The following BCAS3 variants were observed in gnomAD, a reference collection of about 807,000 sequenced individuals.
The protein encoded by BCAS3 is BCAS3 microtubule associated cell migration factor, also known as BCAS4/BCAS3 fusion.
BCAS3 carries 53 observed loss-of-function variants against 116.1 expected under a neutral mutation model. The ratio of observed to expected loss-of-function variants is 0.46; its 90% CI spans 0.37 to 0.57. The LOEUF is 0.57. BCAS3 is among the 20% of genes least tolerant of loss of function. BCAS3 has a pLI of 0.00. For missense variants in BCAS3, 917 were observed against 1,165.4 expected (o/e 0.79, Z 3.10); for synonymous variants, 391 against 408.2 (o/e 0.96, Z 0.51).
intron 5 of BCAS3, among the ~76,000 whole-genome samples, chr17:60,743,432 A>T (rs940015702): frequency 6.6e-6 from 1 of 151,996 alleles, no homozygotes; most frequent in African/African-American, 2.4e-5. Context: ...AGGTACGTTA[A>T]CATTTAAAAT....
chr17:61,277,168 G>A (rs1180196482), intron 22 of BCAS3, among the ~76,000 whole-genome samples: 1 of 151,060 alleles, frequency 6.6e-6, no homozygotes, highest in African/African-American at 2.4e-5. Context: ...AAAGGCTGAG[G>A]CAGGAGGATC....
At chr17:61,283,989 G>A (rs1413721040) in intron 22 of BCAS3, among the ~76,000 whole-genome samples, 1 of 152,140 alleles carries the variant, frequency 6.6e-6, no homozygotes, top group Non-Finnish European at 1.5e-5. Flanking sequence ...TGTATCTTTG[G>A]TATTACGATC....
intron 22 of BCAS3, among the ~76,000 whole-genome samples, chr17:61,160,015 C>CAG (rs3032584): frequency 0.76 from 114,158 of 149,384 alleles, 43,976 homozygotes; most frequent in South Asian, 0.89. Context: ...TTTGTAGTGA[C>CAG]AGTCTCGCTG....
At chr17:60,957,046 A>G (rs2061169451) in intron 14 of BCAS3, among the ~76,000 whole-genome samples, 1 of 152,106 alleles carries the variant, frequency 6.6e-6, no homozygotes, top group African/African-American at 2.4e-5. Context: ...TCTGACAGTA[A>G]TTTTCCTCGT....
At chr17:61,234,776 T>C (rs1377984295) in intron 22 of BCAS3, among the ~76,000 whole-genome samples, 2 of 94,984 alleles carry the variant, frequency 2.1e-5, no homozygotes, top group Admixed American at 1.4e-4. Flanking sequence ...GGCTCAGGCT[T>C]TTTCCAGAAA....
rs974123828 is a variant in BCAS3 at position 61,259,504 on chromosome 17, C to T, written c.2426-108823C>T. On this transcript the variant is annotated intron_variant, in intron 22 of 23. Transcript: ENST00000407086. The surrounding 1 kb of genome is among the most constrained non-coding windows in gnomAD (Gnocchi z 4.7). ...CTGCAGATGCTGAGGTTGTCTAAGT[C>T]GTGGTCTCTTCTTAGGTTACTGGCT... Among the ~76,000 whole-genome samples the T allele has an allele frequency of 1.3e-5, 2 of 152,168 alleles. No individual in the cohort carries two copies. Among genetic ancestry groups the T allele is most frequent in the Non-Finnish European group, 2.9e-5 (2 of 68,036 alleles).
In BCAS3 at chr17:61,128,518, G is replaced by A. The variant is rs1454542920; in HGVS notation, c.2425+43954G>A. 25 of 985,174 alleles carry A rather than the reference G, an allele frequency of 2.5e-5. No individual in the cohort carries two copies. Among genetic ancestry groups the A allele is most frequent in the East Asian group, 1.1e-4 (1 of 8,828 alleles). The allele number at this position is 985,174 out of a possible 1,614,324, so 61.0% of individuals were successfully genotyped here. A position where few individuals can be genotyped will look rare whatever the true frequency, so the allele number is the denominator to read the frequency against. ...TTAACAAGCAATGGACAAACCTTCC[G>A]TTCTTCTCTATCCCAAATCGTTTGA... On this transcript the variant is annotated intron_variant, in intron 22 of 23. Coordinates refer to ENST00000407086, the MANE Select transcript of BCAS3 (RefSeq NM_017679.5). This position sits in a 1 kb window ranked among gnomAD's most constrained non-coding sequence, Gnocchi z 4.1.
At chr17:60,992,189 TACACACACACACAC>T (rs576760115) in intron 15 of BCAS3, among the ~76,000 whole-genome samples, 21 of 130,728 alleles carry the variant, frequency 1.6e-4, no homozygotes, top group South Asian at 5.3e-4. Flanking sequence ...TCCGATGACT[TACACACACACACAC>T]ACACACACAC....
intron 22 of BCAS3, among the ~76,000 whole-genome samples, chr17:61,252,141 T>C (rs1395168063): frequency 1.3e-5 from 2 of 152,218 alleles, no homozygotes; most frequent in South Asian, 2.1e-4. Context: ...ATCTGCAACA[T>C]AGAGGGCAGA....
rs903443345 is a variant in BCAS3, at chr17:61,324,845, CA to C, written c.2426-43476del. Reference sequence around the variant, plus strand: ...ATGAAAAAAAAAAAAAAAGAAGAAACAAAAAAGAAGATGTAGACTGTGTGAT... The same window carrying C: ...ATGAAAAAAAAAAAAAAAGAAGAAACAAAAAGAAGATGTAGACTGTGTGAT... On this transcript the variant is annotated intron_variant, in intron 22 of 23. Transcript: ENST00000407086. The surrounding 1 kb of genome is among the most constrained non-coding windows in gnomAD (Gnocchi z 4.6). Among the ~76,000 whole-genome samples the C allele has an allele frequency of 6.8e-6, 1 of 146,218 alleles. No homozygotes were observed. Among genetic ancestry groups the C allele is most frequent in the African/African-American group, 2.5e-5 (1 of 39,556 alleles).
rs908825346 is a variant in BCAS3, at chr17:61,229,870, A to C, written c.2426-138457A>C. On this transcript the variant is annotated intron_variant, in intron 22 of 23. Transcript: ENST00000407086. The surrounding 1 kb of genome is among the most constrained non-coding windows in gnomAD (Gnocchi z 4.4). The stretch of plus-strand genomic sequence containing the variant: ...CTGGGCGCGATGGCTTACGCCTGTA[A>C]TCCCAGCACTTTGGGAGGCCAAGGC... 5.3e-5 allele frequency among the ~76,000 whole-genome samples: 8 copies of C among 152,254 alleles called. No individual in the cohort carries two copies. The highest frequency in any genetic ancestry group is 1.7e-4 in the African/African-American group (7 of 41,474).
chr17:61,227,240 A>G lies in BCAS3; in HGVS notation c.2426-141087A>G, dbSNP rs1317028678. ...ACAGACTGCTCTGAGAAGCTAGTGC[A>G]ATTTATGAGTCCTCTTCTGAAAAAA... On this transcript the variant is annotated intron_variant, in intron 22 of 23. Transcript: ENST00000407086. This position sits in a 1 kb window ranked among gnomAD's most constrained non-coding sequence, Gnocchi z 6.1. Among the ~76,000 whole-genome samples, 1 of 152,192 alleles carries G rather than the reference A, an allele frequency of 6.6e-6. No homozygotes were observed. The highest frequency in any genetic ancestry group is 1.5e-5 in the Non-Finnish European group (1 of 68,036).
In BCAS3 at chr17:61,162,996, T is replaced by C. The variant is rs1459980721; in HGVS notation, c.2425+78432T>C. 6.6e-6 allele frequency among the ~76,000 whole-genome samples: 1 copy of C among 152,168 alleles called. No individual in the cohort carries two copies. Among genetic ancestry groups the C allele is most frequent in the Non-Finnish European group, 1.5e-5 (1 of 68,036 alleles). On this transcript the variant is annotated intron_variant, in intron 22 of 23. Transcript: ENST00000407086. This position sits in a 1 kb window ranked among gnomAD's most constrained non-coding sequence, Gnocchi z 5.6. ...AGATCAAGGCAACATTCTATTCACA[T>C]TCGTTCAGCAAATATTTGTTGAGCA...
chr17:61,108,194 C>A (rs186044429), intron 22 of BCAS3, among the ~76,000 whole-genome samples: 34 of 152,276 alleles, frequency 2.2e-4, no homozygotes, highest in African/African-American at 8.2e-4. Context: ...ATTTTCTTTT[C>A]TCTAAAGTCT....
rs780529516 is a variant in BCAS3 at position 61,274,281 on chromosome 17, A to ATTT, written c.2426-94023_2426-94021dup. On this transcript the variant is annotated intron_variant, in intron 22 of 23. Transcript: ENST00000407086. ...TTCACACTTTCTTTAAAATCTTTGA[A>ATTT]TTTTTTTTTTTTTTTTTTTTTTTTT... Among the ~76,000 whole-genome samples the ATTT allele has an allele frequency of 1.6e-3, 154 of 96,206 alleles. 1 individual carries two copies. Among genetic ancestry groups the ATTT allele is most frequent in the African/African-American group, 3.5e-3 (82 of 23,702 alleles). 63.1% of individuals were successfully genotyped at this position (96,206 alleles called of 152,430 possible). A position where few individuals can be genotyped will look rare whatever the true frequency, so the allele number is the denominator to read the frequency against.
chr17:61,120,356 A>G (rs372473295), intron 22 of BCAS3, among the ~76,000 whole-genome samples: 5 of 152,136 alleles, frequency 3.3e-5, no homozygotes, highest in East Asian at 1.9e-4. Context: ...AAATGAATAA[A>G]TGGTGTTCTG....
chr17:61,182,372 G>A (rs574744461), intron 22 of BCAS3, among the ~76,000 whole-genome samples: 220 of 151,542 alleles, frequency 1.5e-3, no homozygotes, highest in Non-Finnish European at 2.4e-3. Context: ...TTTAAACATA[G>A]GCAGAAGGAG....
intron 9 of BCAS3, among the ~76,000 whole-genome samples, chr17:60,881,848 C>G (rs544864520): frequency 6.8e-6 from 1 of 146,288 alleles, no homozygotes; most frequent in African/African-American, 2.6e-5. Flanking sequence ...CATTGTTGGA[C>G]ATTTGGGTTG....
intron 15 of BCAS3, among the ~76,000 whole-genome samples, chr17:61,005,919 G>C (rs1046825402): frequency 2.0e-5 from 3 of 151,820 alleles, no homozygotes; most frequent in African/African-American, 7.3e-5. Context: ...CTAGCATTAG[G>C]TATATCTCCC....
Sources: allele counts gnomAD v4.1 joint callset (sites outside exome capture counted in the v4.1 genomes callset), GRCh38; gene constraint gnomAD v4.1.1; non-coding constraint Gnocchi (gnomAD v3.1); transcripts MANE v1.5; gene names NCBI Gene and HGNC (gene_info 2026-07-23, HGNC 2026-07-21).